IARS1: variants seen among roughly 807,000 people sequenced by gnomAD.
IARS1 encodes the protein isoleucine--tRNA ligase, cytoplasmic.
In IARS1, 124 loss-of-function variants were observed where a neutral mutation model predicts 168.2. That is an observed-to-expected ratio of 0.74 (90% CI 0.64 to 0.86). The LOEUF (loss-of-function observed/expected upper bound fraction) is 0.86. IARS1 is among the 40% of genes least tolerant of loss of function. The probability of loss-of-function intolerance (pLI) is 0.00; values close to 1 mark genes in which losing one functional copy is unlikely to be tolerated. For synonymous variants in IARS1, 532 were observed against 529.4 expected (o/e 1.00, Z -0.07); for missense variants, 1,452 against 1,515.8 (o/e 0.96, Z 0.70).
At position 92,253,601 on chromosome 9, in the gene IARS1, CATA is replaced by C. The variant is rs1307567704; in HGVS notation, c.2138-151_2138-149del. The C allele has an allele frequency of 3.5e-5, 22 of 630,226 alleles. 1 individual carries two copies. In the South Asian group the frequency reaches 3.9e-4, roughly 11 times the overall value. The allele number at this position is 630,226 out of a possible 1,614,324, so 39.0% of individuals were successfully genotyped here. On this transcript the variant is annotated intron_variant, in intron 20 of 33. Transcript: ENST00000443024. Reference sequence around the variant, plus strand: ...GAAAAGAACCAAAATGAATCAATCACATAATGACTGTTTGTTGAGGATGTGCTA... The same window carrying C: ...GAAAAGAACCAAAATGAATCAATCACATGACTGTTTGTTGAGGATGTGCTA...
At chr9:92,256,341 CT>C (rs770667744) in intron 20 of IARS1, 359 of 144,292 alleles carry the variant, frequency 2.5e-3, no homozygotes, top group Middle Eastern at 7.2e-3. Context: ...GGCCAGCTAA[CT>C]TTTTTTTTTT....
At chr9:92,271,756 T>C (rs538539016) in intron 10 of IARS1, 101 bp from the exon 11 acceptor site, 73 of 1,283,994 alleles carry the variant, frequency 5.7e-5, no homozygotes, top group Admixed American at 7.5e-5. Context: ...TTGTAACATA[T>C]ACATTTCATC....
chr9:92,224,523 G>A (rs1026713735), intron 31 of IARS1, among the ~76,000 whole-genome samples: 1 of 152,196 alleles, frequency 6.6e-6, no homozygotes, highest in African/African-American at 2.4e-5. Context: ...CTACAAATGG[G>A]CAGACTATGA....
chr9:92,258,817 C>T, intron 19 of IARS1, 37 bp downstream of exon 19: 1 of 1,551,228 alleles, frequency 6.4e-7, no homozygotes, highest in South Asian at 1.2e-5. Context: ...GCTGTGGAGA[C>T]ACGGCAGGTA....
chr9:92,247,661 T>C (rs2133670211), intron 25 of IARS1, 110 bp from the exon 26 acceptor site: 1 of 871,048 alleles, frequency 1.1e-6, no homozygotes, highest in East Asian at 2.6e-5. Flanking sequence ...GCAAGAACAC[T>C]TCAAGTGTCC....
chr9:92,264,957 C>A lies in IARS1; in HGVS notation c.1672G>T (p.Ala558Ser), dbSNP rs774590355. 5.0e-6 allele frequency: 8 copies of A among 1,613,956 alleles called. No individual in the cohort carries two copies. Among genetic ancestry groups the A allele is most frequent in the Non-Finnish European group, 6.8e-6 (8 of 1,179,924 alleles). The change falls in exon 16 of 34, where the codon GCC becomes TCC. Residue 558 changes from alanine (A) to serine (S), a missense_variant. Physicochemically the swap from Ala to Ser is moderately conservative, Grantham distance 99 (BLOSUM62 1). Coordinates refer to ENST00000443024, the MANE Select transcript of IARS1 (RefSeq NM_002161.6). ...CCTCTGGTTTGGTCGATGCCCTCGG[C>A]AATGAAATCTGCAGGAAAAGCATCC... is the stretch of plus-strand genomic sequence containing the variant. ...FEDAFPADFI[A>S]EGIDQTRGWF... is the part of the protein sequence containing the mutation.
chr9:92,226,627 T>A (rs1236571204), intron 31 of IARS1, among the ~76,000 whole-genome samples: 1 of 152,174 alleles, frequency 6.6e-6, no homozygotes. Context: ...ATTAAAGTGT[T>A]GGCAGATGTG....
In IARS1 at chr9:92,271,459, C is replaced by T. The variant is rs549129421; in HGVS notation, c.1113+74G>A. The stretch of plus-strand genomic sequence containing the variant: ...TAAAAACAACTTCCTAGAAGAATTA[C>T]AATACAATTATAAATGATGGTAGAG... On this transcript the variant is annotated intron_variant, in intron 11 of 33. Coordinates refer to ENST00000443024, the MANE Select transcript of IARS1 (RefSeq NM_002161.6). The T allele has an allele frequency of 2.8e-4, 429 of 1,557,668 alleles. 3 individuals carry two copies. Among genetic ancestry groups the T allele is most frequent in the South Asian group, 2.5e-3 (225 of 88,962 alleles).
At chr9:92,214,063 A>G (rs572674040) in intron 33 of IARS1, among the ~76,000 whole-genome samples, 2 of 151,882 alleles carry the variant, frequency 1.3e-5, no homozygotes, top group African/African-American at 4.8e-5. Context: ...CTGGGATTAC[A>G]CGAGTGAGCC....
chr9:92,259,250 T>A (rs575931242), intron 18 of IARS1, among the ~76,000 whole-genome samples: 4 of 152,172 alleles, frequency 2.6e-5, no homozygotes, highest in Non-Finnish European at 5.9e-5. Flanking sequence ...CAGAAATGCA[T>A]CTTATGCCAC....
At chr9:92,215,105 T>TCCCTGAC (rs1838426615) in intron 33 of IARS1, among the ~76,000 whole-genome samples, 1 of 152,108 alleles carries the variant, frequency 6.6e-6, no homozygotes, top group South Asian at 2.1e-4. Context: ...CTCAAGTGGG[T>TCCCTGAC]CCCTGACCCC....
At position 92,258,910 on chromosome 9, in the gene IARS1, G is replaced by C; in HGVS notation, c.1960C>G (p.Leu654Val). ...AAGCGATAGGCATTGTACCATGGGA[G>C]CAGTACATCCTTAAGGACGTCCCGC... is the stretch of plus-strand genomic sequence containing the variant. Reference protein sequence around the residue: ...GVRDVLKDVLLPWYNAYRFLI... With the variant: ...GVRDVLKDVLVPWYNAYRFLI... The change falls in exon 19 of 34, where the codon CTC becomes GTC. Residue 654 changes from leucine to valine, a missense_variant. Physicochemically the swap from Leu to Val is conservative, Grantham distance 32 (BLOSUM62 1). Coordinates refer to ENST00000443024, the MANE Select transcript of IARS1 (RefSeq NM_002161.6). The C allele has an allele frequency of 6.2e-7, 1 of 1,614,052 alleles. No individual in the cohort carries two copies. Among genetic ancestry groups the C allele is most frequent in the Non-Finnish European group, 8.5e-7 (1 of 1,179,954 alleles).
chr9:92,245,478 C>T (rs1005651410), intron 26 of IARS1, among the ~76,000 whole-genome samples: 1 of 152,180 alleles, frequency 6.6e-6, no homozygotes, highest in Non-Finnish European at 1.5e-5. Context: ...TGTTCTGCTA[C>T]CTGCTGAGCA....
In IARS1 at chr9:92,260,204, C is replaced by A. The variant is rs758847177; in HGVS notation, c.1818G>T (p.Lys606Asn). The change falls in exon 18 of 34, where the codon AAG becomes AAT. Residue 606 changes from lysine (K) to asparagine (N), a missense_variant. Physicochemically the swap from Lys to Asn is moderately conservative, Grantham distance 94. Coordinates refer to ENST00000443024, the MANE Select transcript of IARS1 (RefSeq NM_002161.6). ...TGATGGAAACTGGATCTGGATAATTCTTTTTCCGTTTGCTCATTTTTTGGC... is the reference window on the plus strand; with the variant it reads ...TGATGGAAACTGGATCTGGATAATTATTTTTCCGTTTGCTCATTTTTTGGC... The part of the protein sequence containing the change: ...SDGQKMSKRK[K>N]NYPDPVSIIQ... The A allele has an allele frequency of 6.2e-7, 1 of 1,614,096 alleles. No homozygotes were observed.
At chr9:92,248,475 C>G (rs1342192145) in intron 25 of IARS1, among the ~76,000 whole-genome samples, 1 of 151,578 alleles carries the variant, frequency 6.6e-6, no homozygotes, top group Non-Finnish European at 1.5e-5. Context: ...GAGTTAGAGA[C>G]CAGCCCGGGC....
rs1372112899 is a variant in IARS1 at position 92,274,538 on chromosome 9, G to T, written c.895-17C>A. 6.4e-7 allele frequency: 1 copy of T among 1,568,792 alleles called. No individual in the cohort carries two copies. On this transcript the variant is annotated splice_polypyrimidine_tract_variant and intron_variant, in intron 9 of 33. Coordinates refer to ENST00000443024, the MANE Select transcript of IARS1 (RefSeq NM_002161.6). Reference sequence around the variant, plus strand: ...CTCTTTACACTGGAAAGAAAGGACAGCAGGCTTCAGGGATGAAACATTACT... The same window carrying T: ...CTCTTTACACTGGAAAGAAAGGACATCAGGCTTCAGGGATGAAACATTACT...
chr9:92,282,213 T>C (rs1340387721), intron 6 of IARS1, among the ~76,000 whole-genome samples: 2 of 152,318 alleles, frequency 1.3e-5, no homozygotes. Context: ...GCAAATGTGG[T>C]AAAAGGTTAA....
At chr9:92,259,605 C>T (rs1831228158) in intron 18 of IARS1, among the ~76,000 whole-genome samples, 1 of 152,118 alleles carries the variant, frequency 6.6e-6, no homozygotes, top group South Asian at 2.1e-4. Context: ...GAGTCACAGG[C>T]CTGGGCACTG....
At chr9:92,252,522 T>C in intron 21 of IARS1, 1 of 429,394 alleles carries the variant, frequency 2.3e-6, no homozygotes, top group Non-Finnish European at 4.7e-6. Context: ...ACACCACTGC[T>C]TTGAGAGGCT....
Sources: gnomAD v4.1 joint callset for allele counts (sites outside exome capture counted in the v4.1 genomes callset) on GRCh38, gnomAD v4.1.1 for gene constraint, MANE v1.5 for transcripts, NCBI Gene and HGNC (gene_info 2026-07-23, HGNC 2026-07-21) for gene names.